LAMB1: variants seen among roughly 807,000 people sequenced by gnomAD.
LAMB1 encodes laminin subunit beta-1.
In LAMB1, 121 loss-of-function variants were observed where a neutral mutation model predicts 222.3. That is an observed-to-expected ratio of 0.54 (90% CI 0.47 to 0.63). The LOEUF (loss-of-function observed/expected upper bound fraction) is 0.63. LAMB1 is among the 30% of genes least tolerant of loss of function. The pLI is 0.00. For synonymous variants in LAMB1, 794 were observed against 807.2 expected (o/e 0.98, Z 0.28); for missense variants, 2,172 against 2,240.8 (o/e 0.97, Z 0.62).
chr7:107,990,861 T>G, intron 5 of LAMB1, among the ~76,000 whole-genome samples: 1 of 152,138 alleles, frequency 6.6e-6, no homozygotes, highest in Non-Finnish European at 1.5e-5. Context: ...GACTCCTGGG[T>G]TGCAGGAAAA....
chr7:107,969,738 A>G (rs2033707627), intron 13 of LAMB1, among the ~76,000 whole-genome samples: 1 of 152,260 alleles, frequency 6.6e-6, no homozygotes, highest in Admixed American at 6.5e-5. Flanking sequence ...AAACCTGTAC[A>G]GCATATTACT....
rs1048455980 is a variant in LAMB1 at position 107,929,353 on chromosome 7, C to T, written c.4745+59G>A. On this transcript the variant is annotated intron_variant, in intron 30 of 33. Transcript: ENST00000222399. ...AGAAGTTTCATTGGTTAAAGAGATA[C>T]TTTTTACTCCATGATAGATACACAA... The T allele has an allele frequency of 2.6e-6, 4 of 1,537,480 alleles. No individual in the cohort carries two copies. The Admixed American group carries it at 6.8e-5, about 26-fold the overall frequency.
intron 9 of LAMB1, 152 bp downstream of exon 9, chr7:107,977,895 T>C (rs1380047259): frequency 4.0e-6 from 3 of 755,274 alleles, no homozygotes; most frequent in Non-Finnish European, 2.2e-6. Flanking sequence ...GAATGCAGAT[T>C]GTTGGTTGTC....
Position 107,977,713 on chromosome 7 carries a change from A to G in LAMB1, c.1000+334T>C, listed in dbSNP as rs543368137. The stretch of plus-strand genomic sequence containing the variant: ...AGAATCGCTTGAACCTGGGAGGCAG[A>G]GGTTGCAGTGAGCCGCCTGTGCCAC... On this transcript the variant is annotated intron_variant, in intron 9 of 33. Coordinates refer to ENST00000222399, the MANE Select transcript of LAMB1 (RefSeq NM_002291.3). Among the ~76,000 whole-genome samples, 5 of 152,268 alleles carry G rather than the reference A, an allele frequency of 3.3e-5. No individual in the cohort carries two copies. In the East Asian group the frequency reaches 7.7e-4, roughly 23 times the overall value.
chr7:108,002,517 G>T, intron 2 of LAMB1: 2 of 1,085,512 alleles, frequency 1.8e-6, no homozygotes, highest in Non-Finnish European at 2.5e-6. Context: ...TCCTCGGTCA[G>T]CACCGCCAAC....
intron 13 of LAMB1, among the ~76,000 whole-genome samples, chr7:107,966,652 A>C (rs2033643320): frequency 6.6e-6 from 1 of 152,262 alleles, no homozygotes; most frequent in Non-Finnish European, 1.5e-5. Context: ...TCATATGGAC[A>C]AAAGAAAATT....
chr7:108,001,461 G>A, intron 3 of LAMB1, 97 bp downstream of exon 3: 1 of 1,340,762 alleles, frequency 7.5e-7, no homozygotes, highest in Non-Finnish European at 1.0e-6. Context: ...CTTCCTATCT[G>A]GATTGCTGGA....
At chr7:107,928,521 G>A (rs2032622759) in intron 31 of LAMB1, among the ~76,000 whole-genome samples, 1 of 150,680 alleles carries the variant, frequency 6.6e-6, no homozygotes, top group African/African-American at 2.4e-5. Context: ...TTTTGAGATG[G>A]AGTCTCTGTT....
At position 107,998,069 on chromosome 7, in the gene LAMB1, G is replaced by A. The variant is rs2034313877; in HGVS notation, c.349+288C>T. Among the ~76,000 whole-genome samples, 4 of 152,162 alleles carry A rather than the reference G, an allele frequency of 2.6e-5. No individual in the cohort carries two copies. The South Asian group carries it at 8.3e-4, about 32-fold the overall frequency. ...TGAGATAGTACCCATACCCTCCCCAGACAGCCCCCGGCACACAAGTATTCT... is the reference window on the plus strand; with the variant it reads ...TGAGATAGTACCCATACCCTCCCCAAACAGCCCCCGGCACACAAGTATTCT... On this transcript the variant is annotated intron_variant, in intron 4 of 33. Transcript: ENST00000222399.
chr7:107,952,070 C>T lies in LAMB1; in HGVS notation c.3233G>A (p.Gly1078Asp). Residue 1078 changes from glycine to aspartate, a missense_variant, in exon 23 of 34, where the codon GGC becomes GAC. Transcript: ENST00000222399. Reference sequence around the variant, plus strand: ...GCAGTTGCATGGGTCACAGCCAGTGCCACTGGCCAGCTGCCAGGTATTGGG... The same window carrying T: ...GCAGTTGCATGGGTCACAGCCAGTGTCACTGGCCAGCTGCCAGGTATTGGG... ...CAPNTWQLAS[G>D]TGCDPCNCNA... 3 of 1,614,096 alleles carry T rather than the reference C, an allele frequency of 1.9e-6. No individual in the cohort carries two copies. The highest frequency in any genetic ancestry group is 2.5e-6 in the Non-Finnish European group (3 of 1,180,002).
chr7:107,951,323 C>T lies in LAMB1; in HGVS notation c.3295-1G>A, dbSNP rs755172883. 6.2e-7 allele frequency: 1 copy of T among 1,614,068 alleles called. No individual in the cohort carries two copies. Among genetic ancestry groups the T allele is most frequent in the South Asian group, 1.1e-5 (1 of 91,084 alleles). On this transcript the variant is annotated splice_acceptor_variant, in intron 23 of 33. Transcript: ENST00000222399. LOFTEE classifies it high-confidence loss of function. ...GCATGCACTGGCACTGCCCCGTGAA[C>T]TGCGGCCAGAACACAGACCTTGGTC...
chr7:107,980,838 A>AGTCT (rs1483142945), intron 7 of LAMB1, 27 bp from the exon 8 acceptor site: 1 of 1,442,674 alleles, frequency 6.9e-7, no homozygotes, highest in Non-Finnish European at 9.7e-7. Context: ...GAAGATGAAA[A>AGTCT]GTCTGATCAG....
intron 21 of LAMB1, among the ~76,000 whole-genome samples, chr7:107,954,037 G>A (rs533927905): frequency 7.9e-5 from 12 of 152,116 alleles, no homozygotes; most frequent in African/African-American, 2.4e-5. Flanking sequence ...AGGCCACAGC[G>A]GCTGTGGACA....
intron 29 of LAMB1, 26 bp downstream of exon 29, chr7:107,931,330 A>G: frequency 6.3e-7 from 1 of 1,599,480 alleles, no homozygotes. Flanking sequence ...ACAAATGTCT[A>G]AAAGTAAAAT....
At chr7:107,976,232 T>C (rs923795374) in intron 9 of LAMB1, among the ~76,000 whole-genome samples, 10 of 152,182 alleles carry the variant, frequency 6.6e-5, no homozygotes, top group African/African-American at 2.4e-4. Context: ...GAGGTGGGAC[T>C]GGATGGAAGA....
At chr7:107,939,014 A>T (rs538102280) in intron 25 of LAMB1, among the ~76,000 whole-genome samples, 54 of 152,320 alleles carry the variant, frequency 3.5e-4, no homozygotes, top group Admixed American at 9.8e-4. Flanking sequence ...CATCACACAC[A>T]AAAAATGTTA....
rs531882476 is a variant in LAMB1 at position 107,953,823 on chromosome 7, C to T, written c.2855-69G>A. ...CTGAAAGCTCACCAGTGCACCGACACTCATGCCTAGAGAGAGCTGATCGTG... is the reference window on the plus strand; with the variant it reads ...CTGAAAGCTCACCAGTGCACCGACATTCATGCCTAGAGAGAGCTGATCGTG... On this transcript the variant is annotated intron_variant, in intron 21 of 33. Coordinates refer to ENST00000222399, the MANE Select transcript of LAMB1 (RefSeq NM_002291.3). The T allele has an allele frequency of 3.7e-6, 5 of 1,348,180 alleles. No individual in the cohort carries two copies. In the African/African-American group the frequency reaches 7.1e-5, roughly 19 times the overall value. The allele number at this position is 1,348,180 out of a possible 1,614,324, so 83.5% of individuals were successfully genotyped here.
chr7:107,953,476 GA>G, intron 22 of LAMB1, 53 bp downstream of exon 22: 14 of 1,274,424 alleles, frequency 1.1e-5, no homozygotes, highest in Non-Finnish European at 1.6e-5. Flanking sequence ...TGCTGATAAT[GA>G]AAAAAAGGTG....
chr7:107,952,872 C>T (rs1176075996), intron 22 of LAMB1, among the ~76,000 whole-genome samples: 1 of 152,148 alleles, frequency 6.6e-6, no homozygotes, highest in Non-Finnish European at 1.5e-5. Flanking sequence ...AAGGTGGGAC[C>T]ACAGTGGGTA....
Sources: gnomAD v4.1 joint callset for allele counts (sites outside exome capture counted in the v4.1 genomes callset) on GRCh38, gnomAD v4.1.1 for gene constraint, MANE v1.5 for transcripts, NCBI Gene and HGNC (gene_info 2026-07-23, HGNC 2026-07-21) for gene names.